The following APBB2 variants were observed in gnomAD, a reference collection of about 807,000 sequenced individuals.
The protein encoded by APBB2 is amyloid beta precursor protein binding family B member 2.
Under a neutral mutation model 82.5 loss-of-function variants are expected in APBB2, and 38 were observed. The observed-to-expected ratio is 0.46, with a 90% confidence interval of 0.36 to 0.60. APBB2 has a LOEUF of 0.60. APBB2 is among the 20% of genes least tolerant of loss of function. The pLI is 0.00. For missense variants in APBB2, 772 were observed against 972.3 expected (o/e 0.79, Z 2.74); for synonymous variants, 341 against 368.2 (o/e 0.93, Z 0.85).
At chr4:41,179,973 T>C (rs77055685) in intron 1 of APBB2, among the ~76,000 whole-genome samples, 3,011 of 152,340 alleles carry the variant, frequency 0.02, 92 homozygotes, top group African/African-American at 0.07. Flanking sequence ...CATTAGAGAA[T>C]TTAATACAAA....
chr4:40,974,326 A>G (rs1426848751), intron 6 of APBB2, among the ~76,000 whole-genome samples: 1 of 152,190 alleles, frequency 6.6e-6, no homozygotes. Context: ...ACTTATTAAT[A>G]TAGTGAATGT....
At chr4:40,951,121 T>TA (rs1790016591) in intron 6 of APBB2, among the ~76,000 whole-genome samples, 1 of 151,982 alleles carries the variant, frequency 6.6e-6, no homozygotes, top group Non-Finnish European at 1.5e-5. Context: ...ATACCTGGAG[T>TA]GGGGGAGAGA....
intron 6 of APBB2, among the ~76,000 whole-genome samples, chr4:41,004,281 C>T (rs974314213): frequency 2.6e-5 from 4 of 152,112 alleles, no homozygotes; most frequent in Non-Finnish European, 5.9e-5. Context: ...CCGTAAGAAA[C>T]CAACAAAACA....
chr4:41,196,382 C>T, intron 1 of APBB2, among the ~76,000 whole-genome samples: 2 of 152,206 alleles, frequency 1.3e-5, no homozygotes, highest in East Asian at 3.8e-4. Flanking sequence ...ACTCAATAAA[C>T]ACATGCTGGA....
At chr4:41,192,755 T>G (rs1417933100) in intron 1 of APBB2, among the ~76,000 whole-genome samples, 1 of 152,164 alleles carries the variant, frequency 6.6e-6, no homozygotes, top group African/African-American at 2.4e-5. Flanking sequence ...TGAACAGATT[T>G]TAGCTGCTCT....
chr4:41,099,350 T>G (rs1325563916), intron 3 of APBB2, among the ~76,000 whole-genome samples: 1 of 152,272 alleles, frequency 6.6e-6, no homozygotes, highest in East Asian at 1.9e-4. Context: ...TGCCTCAGGC[T>G]TCCGAGTAGC....
intron 6 of APBB2, among the ~76,000 whole-genome samples, chr4:40,988,410 C>T (rs528299279): frequency 7.9e-5 from 12 of 151,726 alleles, no homozygotes; most frequent in African/African-American, 1.2e-4. Context: ...TGGAGGCAGG[C>T]GGATCACCTA....
chr4:40,855,634 G>C (rs1760943854), intron 12 of APBB2, among the ~76,000 whole-genome samples: 1 of 152,134 alleles, frequency 6.6e-6, no homozygotes, highest in African/African-American at 2.4e-5. Flanking sequence ...TACTCAGGAG[G>C]CTGAGGCAGG....
chr4:40,820,782 C>CCGCA (rs1176578033), intron 17 of APBB2, among the ~76,000 whole-genome samples: 11 of 152,184 alleles, frequency 7.2e-5, no homozygotes, highest in Admixed American at 2.6e-4. Flanking sequence ...ATGATCTGGA[C>CCGCA]CGCACCTCCT....
chr4:40,994,195 G>A (rs1017139586), intron 6 of APBB2, among the ~76,000 whole-genome samples: 2 of 151,894 alleles, frequency 1.3e-5, no homozygotes, highest in African/African-American at 2.4e-5. Context: ...GCTGAGGAAG[G>A]AGAATGGCGT....
At chr4:41,025,647 G>A (rs983204297) in intron 5 of APBB2, among the ~76,000 whole-genome samples, 20 of 152,198 alleles carry the variant, frequency 1.3e-4, no homozygotes, top group Non-Finnish European at 1.9e-4. Flanking sequence ...GGCCAGTCAT[G>A]GTGGCTCATG....
chr4:41,090,837 C>T (rs1741434245), intron 3 of APBB2, among the ~76,000 whole-genome samples: 1 of 152,106 alleles, frequency 6.6e-6, no homozygotes, highest in Non-Finnish European at 1.5e-5. Flanking sequence ...ATAAAGACCA[C>T]AGTGGGGAAG....
intron 3 of APBB2, among the ~76,000 whole-genome samples, chr4:41,086,920 C>CCACA (rs140593111): frequency 7.8e-5 from 3 of 38,614 alleles, no homozygotes; most frequent in Admixed American, 2.4e-4. Context: ...CTTAAAAATT[C>CCACA]CACACACACA....
At chr4:40,850,034 CT>C (rs1758837308) in intron 12 of APBB2, among the ~76,000 whole-genome samples, 1 of 152,128 alleles carries the variant, frequency 6.6e-6, no homozygotes, top group Non-Finnish European at 1.5e-5. Context: ...ACTCAGGTTA[CT>C]TTTTATAGGC....
chr4:41,061,978 C>T (rs1332584663), intron 4 of APBB2, among the ~76,000 whole-genome samples: 3 of 152,122 alleles, frequency 2.0e-5, no homozygotes, highest in East Asian at 3.9e-4. Flanking sequence ...TTACTGAAAT[C>T]GTTTCCCTTC....
chr4:41,046,827 G>A lies in APBB2; in HGVS notation c.-50-13523C>T, dbSNP rs914227335. ...AACACCCTGGCAGGCTCTATTCACA[G>A]GGGTGGGAAGGAAGGCTGAGGGGTA... On this transcript the variant is annotated intron_variant, in intron 4 of 17. Transcript: ENST00000508593. Among the ~76,000 whole-genome samples, 9 of 152,348 alleles carry A rather than the reference G, an allele frequency of 5.9e-5. No individual in the cohort carries two copies. The East Asian group carries it at 1.7e-3, about 29-fold the overall frequency.
At chr4:41,070,858 T>C (rs1415826472) in intron 3 of APBB2, among the ~76,000 whole-genome samples, 1 of 152,192 alleles carries the variant, frequency 6.6e-6, no homozygotes, top group Admixed American at 6.5e-5. Context: ...AAGATAAATA[T>C]ACGCTATTCA....
intron 6 of APBB2, among the ~76,000 whole-genome samples, chr4:40,984,882 A>AT (rs1560456659): frequency 6.6e-6 from 1 of 152,140 alleles, no homozygotes; most frequent in Non-Finnish European, 1.5e-5. Context: ...TGAACACCGT[A>AT]TTTAGCATTT....
chr4:40,977,217 G>A (rs1797384918), intron 6 of APBB2, among the ~76,000 whole-genome samples: 1 of 152,100 alleles, frequency 6.6e-6, no homozygotes, highest in South Asian at 2.1e-4. Flanking sequence ...GATGCTGAAG[G>A]GCAGTGGCTC....
Sources: allele counts gnomAD v4.1 joint callset (sites outside exome capture counted in the v4.1 genomes callset), GRCh38; gene constraint gnomAD v4.1.1; transcripts MANE v1.5; gene names NCBI Gene and HGNC (gene_info 2026-07-23, HGNC 2026-07-21).